Variants in USP34 observed in about 807,000 individuals in gnomAD.
USP34 encodes the protein ubiquitin specific peptidase 34.
In USP34, 70 loss-of-function variants were observed where a neutral mutation model predicts 460.3. The ratio of observed to expected loss-of-function variants is 0.15; its 90% CI spans 0.13 to 0.19. USP34 has a LOEUF of 0.19. Among genes scored for constraint, USP34 ranks in the 10% least tolerant of loss-of-function variants. The pLI, the probability that USP34 is intolerant of heterozygous loss-of-function variation, is 1.00. For synonymous variants in USP34, 1,647 were observed against 1,405.3 expected (o/e 1.17, Z -3.85); for missense variants, 3,985 against 4,236.2 (o/e 0.94, Z 1.65).
intron 1 of USP34, among the ~76,000 whole-genome samples, chr2:61,428,107 G>A (rs1694562987): frequency 6.6e-6 from 1 of 150,648 alleles, no homozygotes; most frequent in Non-Finnish European, 1.5e-5. Flanking sequence ...AGGGGTTGCA[G>A]TGAACCAAGA....
intron 67 of USP34, among the ~76,000 whole-genome samples, chr2:61,219,787 T>G (rs1003482772): frequency 1.9e-4 from 29 of 152,240 alleles, no homozygotes; most frequent in African/African-American, 7.0e-4. Flanking sequence ...AATAAGAAAT[T>G]TAAAAATTAA....
In USP34 at chr2:61,406,116, G is replaced by A; in HGVS notation, c.144C>T (p.Cys48=). ...INSWTQRQCL[C]CFKEYKHLEI... ...CCAAATGCTTATATTCCTTGAAGCAGCATAGACATTGCCTATAAGAGAAAA... is the reference window on the plus strand; with the variant it reads ...CCAAATGCTTATATTCCTTGAAGCAACATAGACATTGCCTATAAGAGAAAA... The change falls in exon 3 of 80, where the codon TGC becomes TGT. Residue 48 remains cysteine, a synonymous_variant. Transcript: ENST00000398571. The A allele has an allele frequency of 6.3e-7, 1 of 1,593,574 alleles. No individual in the cohort carries two copies. The highest frequency in any genetic ancestry group is 8.5e-7 in the Non-Finnish European group (1 of 1,172,162).
In USP34 at chr2:61,331,354, A is replaced by T. The variant is rs777682211; in HGVS notation, c.2852T>A (p.Leu951Gln). ...HWITMWAEKE[L>Q]NMMKLFFDNL... The stretch of plus-strand genomic sequence containing the variant: ...ATCAAAGAAAAGCTTCATCATGTTC[A>T]GTTCTTTTTCTGCCCACCTGGCCCA... Residue 951 changes from leucine to glutamine, a missense_variant, in exon 20 of 80, where the codon CTG (leucine) becomes CAG (glutamine). Around this residue, in one of 14 missense-constraint regions of USP34, gnomAD observed 1,114 missense variants for 1,122.5 expected, o/e 0.99. Coordinates refer to ENST00000398571, the MANE Select transcript of USP34 (RefSeq NM_014709.4). 1 of 1,611,282 alleles carries T rather than the reference A, an allele frequency of 6.2e-7. No individual in the cohort carries two copies. The highest frequency in any genetic ancestry group is 1.1e-5 in the South Asian group (1 of 90,660).
intron 2 of USP34, among the ~76,000 whole-genome samples, chr2:61,419,771 C>CTATTA (rs1192634112): frequency 2.0e-5 from 3 of 152,140 alleles, no homozygotes; most frequent in Non-Finnish European, 4.4e-5. Context: ...TCATTGTGGA[C>CTATTA]TATTAAAGTT....
At position 61,405,533 on chromosome 2, in the gene USP34, G is replaced by A. The variant is rs1377590980; in HGVS notation, c.552+175C>T. ...TTTCCTTGATAGGATGAACTATGCC[G>A]AGCAAATTTTCAGCACAAACTGCTG... On this transcript the variant is annotated intron_variant, in intron 3 of 79. Transcript: ENST00000398571. 7.2e-5 allele frequency among the ~76,000 whole-genome samples: 11 copies of A among 152,110 alleles called. No homozygotes were observed. The East Asian group carries it at 1.7e-3, about 24-fold the overall frequency.
rs1488237137 is a variant in USP34, at chr2:61,448,195, C to G, written c.43+22455G>C. Among the ~76,000 whole-genome samples, 3 of 152,194 alleles carry G rather than the reference C, an allele frequency of 2.0e-5. No homozygotes were observed. In the East Asian group the frequency reaches 5.8e-4, roughly 29 times the overall value. On this transcript the variant is annotated intron_variant, in intron 1 of 79. Transcript: ENST00000398571. ...AACACAATGAAAAACACAAACTGGCCAGGCATGAATGCCCATGTCTATAAT... is the reference window on the plus strand; with the variant it reads ...AACACAATGAAAAACACAAACTGGCGAGGCATGAATGCCCATGTCTATAAT...
In USP34 at chr2:61,232,731, C is replaced by A. The variant is rs1026096408; in HGVS notation, c.7033-199G>T. 3.9e-5 allele frequency among the ~76,000 whole-genome samples: 6 copies of A among 152,136 alleles called. No individual in the cohort carries two copies. In the South Asian group the frequency reaches 1.2e-3, roughly 32 times the overall value. On this transcript the variant is annotated intron_variant, in intron 57 of 79. Transcript: ENST00000398571. ...CTCATTACACAACTCCATGGAATGCCATTTACATTATAGTACACAATGTGC... is the reference window on the plus strand; with the variant it reads ...CTCATTACACAACTCCATGGAATGCAATTTACATTATAGTACACAATGTGC...
chr2:61,304,422 ATGGTT>A (rs1360198297), intron 27 of USP34, among the ~76,000 whole-genome samples: 1 of 152,206 alleles, frequency 6.6e-6, no homozygotes, highest in African/African-American at 2.4e-5. Context: ...GACAAGTGTT[ATGGTT>A]TGAATATAAG....
At chr2:61,433,568 A>G (rs147091262) in intron 1 of USP34, among the ~76,000 whole-genome samples, 2,724 of 152,264 alleles carry the variant, frequency 0.018, 46 homozygotes, top group Non-Finnish European at 0.03. Flanking sequence ...CAGGAGGCAG[A>G]GGTTGCAGTG....
At chr2:61,468,975 G>A (rs1027310836) in intron 1 of USP34, among the ~76,000 whole-genome samples, 2 of 152,158 alleles carry the variant, frequency 1.3e-5, no homozygotes, top group African/African-American at 2.4e-5. Flanking sequence ...TTGGGAGGCC[G>A]AGGCAGGCGG....
chr2:61,294,434 T>A (rs1481589064), intron 32 of USP34, among the ~76,000 whole-genome samples: 1 of 152,124 alleles, frequency 6.6e-6, no homozygotes, highest in African/African-American at 2.4e-5. Context: ...CACTGGGATG[T>A]CCTCACAGTA....
In USP34 at chr2:61,283,437, A is replaced by T. The variant is rs368119309; in HGVS notation, c.4845T>A (p.Ala1615=). Residue 1615 remains alanine, a synonymous_variant, in exon 36 of 80, where the codon GCT becomes GCA. Coordinates refer to ENST00000398571, the MANE Select transcript of USP34 (RefSeq NM_014709.4). ...YDNLAPRVLK[A]QSDHRSRHEV... ...CATGTCTAGACCTGTGATCAGACTG[A>T]GCTTTTAAAACTCTGTAAAGTAAAA... is the stretch of plus-strand genomic sequence containing the variant. 124 of 1,606,338 alleles carry T rather than the reference A, an allele frequency of 7.7e-5. No homozygotes were observed. The African/African-American group carries it at 1.6e-3, about 21-fold the overall frequency.
chr2:61,465,834 G>A (rs940104711), intron 1 of USP34, among the ~76,000 whole-genome samples: 14 of 152,084 alleles, frequency 9.2e-5, no homozygotes, highest in African/African-American at 2.9e-4. Flanking sequence ...AAAATTAGCC[G>A]GGCGTGGTAG....
At chr2:61,295,331 G>A (rs1216987276) in intron 30 of USP34, 41 bp from the exon 31 acceptor site, 24 of 1,536,414 alleles carry the variant, frequency 1.6e-5, no homozygotes, top group South Asian at 2.6e-5. Flanking sequence ...AACTTACTCA[G>A]GGAACACAAA....
chr2:61,469,846 C>G (rs759863451), intron 1 of USP34, among the ~76,000 whole-genome samples: 1 of 152,142 alleles, frequency 6.6e-6, no homozygotes, highest in East Asian at 1.9e-4. Flanking sequence ...GAAATACCAT[C>G]TTGCAAGGGT....
Position 61,232,509 on chromosome 2 carries a change from A to G in USP34, c.7056T>C (p.Asp2352=), listed in dbSNP as rs755012360. 6.2e-7 allele frequency: 1 copy of G among 1,611,020 alleles called. No homozygotes were observed. The change falls in exon 58 of 80, where the codon GAT becomes GAC. Residue 2352 remains aspartate (D), a synonymous_variant. Transcript: ENST00000398571. ...ACEWFLDRMA[D]DDWWPMQILI... ...GTATCTGCATTGGCCACCAGTCGTC[A>G]TCAGCCATACGATCTAAAAACCACT...
intron 1 of USP34, among the ~76,000 whole-genome samples, chr2:61,425,584 G>A (rs2103984271): frequency 6.6e-6 from 1 of 152,244 alleles, no homozygotes; most frequent in Admixed American, 6.5e-5. Flanking sequence ...GAGGGCAACT[G>A]CCGATCCCAG....
chr2:61,343,745 T>A, intron 16 of USP34, 70 bp downstream of exon 16: 1 of 1,500,690 alleles, frequency 6.7e-7, no homozygotes. Flanking sequence ...ATTGAGTCCT[T>A]TCAACAAAGT....
chr2:61,460,077 G>A (rs183541535), intron 1 of USP34, among the ~76,000 whole-genome samples: 2 of 152,032 alleles, frequency 1.3e-5, no homozygotes, highest in South Asian at 4.1e-4. Context: ...AAAGATACTT[G>A]AAAACAGTTT....
Sources: gnomAD v4.1 joint callset for allele counts (sites outside exome capture counted in the v4.1 genomes callset) on GRCh38, gnomAD v4.1.1 for gene constraint, gnomAD v4.1.1 regional missense constraint, MANE v1.5 for transcripts, NCBI Gene and HGNC (gene_info 2026-07-23, HGNC 2026-07-21) for gene names.